ATXN1: variants seen among roughly 807,000 people sequenced by gnomAD.
ATXN1 encodes the protein ataxin 1.
In ATXN1, 8 loss-of-function variants were observed where a neutral mutation model predicts 56.4. The ratio of observed to expected loss-of-function variants is 0.14; its 90% CI spans 0.08 to 0.26. The LOEUF (loss-of-function observed/expected upper bound fraction) is 0.26, where lower values mean the gene tolerates loss of function less well. Among genes scored for constraint, ATXN1 ranks in the 10% least tolerant of loss-of-function variants. The pLI is 1.00. For missense variants in ATXN1, 987 were observed against 1,106.5 expected, an observed-to-expected ratio of 0.89 and a Z score of 1.53; for synonymous variants, 514 against 494.6, an observed-to-expected ratio of 1.04 and a Z score of -0.52.
chr6:16,640,184 A>C (rs936396899), intron 3 of ATXN1, among the ~76,000 whole-genome samples: 1 of 152,172 alleles, frequency 6.6e-6, no homozygotes, highest in South Asian at 2.1e-4. Flanking sequence ...ACAGTATTTC[A>C]AACTTTTGCG....
chr6:16,484,969 G>C (rs1039621741), intron 6 of ATXN1, among the ~76,000 whole-genome samples: 26 of 128,848 alleles, frequency 2.0e-4, no homozygotes, highest in African/African-American at 6.4e-4. Flanking sequence ...GTGTGTGTGT[G>C]TGTGTGTGTG....
rs1760990878 is a variant in ATXN1, at chr6:16,506,946, AGATG to A, written c.-299+15677_-299+15680del. On this transcript the variant is annotated intron_variant, in intron 5 of 7. Transcript: ENST00000436367. This position sits in a 1 kb window ranked among gnomAD's most constrained non-coding sequence, Gnocchi z 4.1. The stretch of plus-strand genomic sequence containing the variant: ...TGTACAGCTGGATGGATGAATGGAC[AGATG>A]GATGGATGGACAGACAAATGGCCGG... 6.6e-6 allele frequency among the ~76,000 whole-genome samples: 1 copy of A among 152,364 alleles called. No homozygotes were observed. Among genetic ancestry groups the A allele is most frequent in the Non-Finnish European group, 1.5e-5 (1 of 68,040 alleles).
At chr6:16,743,678 A>G (rs16878970) in intron 2 of ATXN1, among the ~76,000 whole-genome samples, 10,948 of 152,262 alleles carry the variant, frequency 0.072, 459 homozygotes, top group East Asian at 0.12. Context: ...CAGAAAAGGT[A>G]GCAAATAACA....
intron 5 of ATXN1, among the ~76,000 whole-genome samples, chr6:16,489,381 C>T (rs1760613071): frequency 6.6e-6 from 1 of 152,180 alleles, no homozygotes; most frequent in Non-Finnish European, 1.5e-5. Flanking sequence ...CTATCATCAT[C>T]ATGTGTCAGC....
chr6:16,307,469 G>T (rs1760276549), intron 7 of ATXN1, among the ~76,000 whole-genome samples: 1 of 151,822 alleles, frequency 6.6e-6, no homozygotes, highest in Admixed American at 6.6e-5. Flanking sequence ...AGGAGTTCAA[G>T]ACCAGCCTGG....
chr6:16,711,249 CAT>C (rs1759516388), intron 2 of ATXN1, among the ~76,000 whole-genome samples: 2 of 152,310 alleles, frequency 1.3e-5, no homozygotes, highest in African/African-American at 4.8e-5. Flanking sequence ...CCCTACACCT[CAT>C]ATCTTAATTT....
At chr6:16,683,208 A>C (rs752854904) in intron 2 of ATXN1, among the ~76,000 whole-genome samples, 7 of 152,244 alleles carry the variant, frequency 4.6e-5, no homozygotes, top group Admixed American at 4.6e-4. Context: ...CTAGAAGTCC[A>C]TATGTCAGTC....
intron 3 of ATXN1, among the ~76,000 whole-genome samples, chr6:16,645,553 G>A (rs977975605): frequency 6.6e-6 from 1 of 152,126 alleles, no homozygotes; most frequent in Non-Finnish European, 1.5e-5. Flanking sequence ...AGGGGTGGTG[G>A]CCGACTACAG....
intron 2 of ATXN1, chr6:16,737,967 A>C (rs1760195737): frequency 6.6e-6 from 1 of 152,360 alleles, no homozygotes; most frequent in East Asian, 1.9e-4. Flanking sequence ...TTTTGAAAGC[A>C]GAATAGGGCT....
At chr6:16,372,122 T>A (rs920918465) in intron 6 of ATXN1, among the ~76,000 whole-genome samples, 1 of 152,204 alleles carries the variant, frequency 6.6e-6, no homozygotes, top group African/African-American at 2.4e-5. Flanking sequence ...TCCAATCTAT[T>A]TTTCTTTTAT....
At chr6:16,491,281 T>TATTA (rs58463209) in intron 5 of ATXN1, among the ~76,000 whole-genome samples, 69 of 115,000 alleles carry the variant, frequency 6.0e-4, no homozygotes, top group African/African-American at 1.6e-3. Flanking sequence ...ATTATTATTT[T>TATTA]TTTTTTTTTT....
chr6:16,417,380 A>AT (rs1293003652), intron 6 of ATXN1, among the ~76,000 whole-genome samples: 1 of 152,134 alleles, frequency 6.6e-6, no homozygotes, highest in Non-Finnish European at 1.5e-5. Flanking sequence ...GGAAAGCAGA[A>AT]TAAGAAAGTC....
chr6:16,395,060 C>T (rs947064561), intron 6 of ATXN1, among the ~76,000 whole-genome samples: 6 of 151,820 alleles, frequency 4.0e-5, no homozygotes, highest in Admixed American at 1.3e-4. Context: ...CACCCGAGAT[C>T]GGGGAGTTCG....
rs551410317 is a variant in ATXN1, at chr6:16,546,327, C to G, written c.-360-23639G>C. 2.6e-5 allele frequency among the ~76,000 whole-genome samples: 4 copies of G among 152,290 alleles called. No homozygotes were observed. In the East Asian group the frequency reaches 7.7e-4, roughly 29 times the overall value. On this transcript the variant is annotated intron_variant, in intron 4 of 7. Coordinates refer to ENST00000436367, the MANE Select transcript of ATXN1 (RefSeq NM_001128164.2). ...AACCATAGAATTTTTTAAGCTCCCT[C>G]ATTTTCCTGAGGTCCTCAAAAGTCA...
intron 1 of ATXN1, among the ~76,000 whole-genome samples, chr6:16,759,525 C>G (rs1430302512): frequency 8.0e-6 from 1 of 124,772 alleles, no homozygotes; most frequent in Non-Finnish European, 1.6e-5. Flanking sequence ...CAGCTTCTTC[C>G]GACTGTTTTT....
At chr6:16,557,326 CAAAAAA>C (rs10551173) in intron 4 of ATXN1, among the ~76,000 whole-genome samples, 1 of 87,754 alleles carries the variant, frequency 1.1e-5, no homozygotes, top group South Asian at 3.8e-4. Flanking sequence ...AACCCCATTT[CAAAAAA>C]AAAAAAAAAA....
chr6:16,528,252 G>A (rs1420577931), intron 4 of ATXN1, among the ~76,000 whole-genome samples: 1 of 149,526 alleles, frequency 6.7e-6, no homozygotes, highest in African/African-American at 2.5e-5. Context: ...AGATAGCTGA[G>A]ATCGCACCAC....
chr6:16,341,404 C>G (rs765826362), intron 6 of ATXN1, among the ~76,000 whole-genome samples: 10 of 152,068 alleles, frequency 6.6e-5, no homozygotes, highest in Non-Finnish European at 1.0e-4. Flanking sequence ...AGATCTACCC[C>G]AGACCAACTG....
chr6:16,552,431 ATAT>A (rs1761937922), intron 4 of ATXN1, among the ~76,000 whole-genome samples: 1 of 152,232 alleles, frequency 6.6e-6, no homozygotes. Flanking sequence ...AAAAGAAAAA[ATAT>A]TGTGCACAAC....
Sources: allele counts gnomAD v4.1 joint callset (sites outside exome capture counted in the v4.1 genomes callset), GRCh38; gene constraint gnomAD v4.1.1; non-coding constraint Gnocchi (gnomAD v3.1); transcripts MANE v1.5; gene names NCBI Gene and HGNC (gene_info 2026-07-23, HGNC 2026-07-21).